The following RIMS2 variants were observed in gnomAD, a reference collection of about 807,000 sequenced individuals.
RIMS2 encodes the protein regulating synaptic membrane exocytosis protein 2.
Under a neutral mutation model 174.4 loss-of-function variants are expected in RIMS2, and 59 were observed. The observed-to-expected ratio is 0.34, with a 90% confidence interval of 0.27 to 0.42. RIMS2 has a LOEUF of 0.42. RIMS2 is among the 10% of genes least tolerant of loss of function. The pLI is 1.00. For missense variants in RIMS2, 1,620 were observed against 1,666.3 expected, an observed-to-expected ratio of 0.97 and a Z score of 0.48; for synonymous variants, 606 against 572.5, an observed-to-expected ratio of 1.06 and a Z score of -0.84.
intron 19 of RIMS2, among the ~76,000 whole-genome samples, chr8:104,097,017 A>T (rs563601672): frequency 6.6e-6 from 1 of 152,350 alleles, no homozygotes; most frequent in Admixed American, 6.5e-5. Context: ...TATTCCAAGC[A>T]TCATTTTGTT....
intron 1 of RIMS2, among the ~76,000 whole-genome samples, chr8:103,591,934 A>G (rs1326656230): frequency 1.3e-5 from 2 of 151,288 alleles, no homozygotes; most frequent in East Asian, 1.9e-4. Context: ...AATTATTACA[A>G]AAAAGCTTAG....
intron 19 of RIMS2, among the ~76,000 whole-genome samples, chr8:104,076,293 C>T (rs1307831497): frequency 6.8e-6 from 1 of 147,950 alleles, no homozygotes; most frequent in African/African-American, 2.5e-5. Context: ...ATCATTTATG[C>T]CCATTTTCCC....
At chr8:103,842,881 G>A (rs1427413662) in intron 3 of RIMS2, among the ~76,000 whole-genome samples, 1 of 152,296 alleles carries the variant, frequency 6.6e-6, no homozygotes, top group South Asian at 2.1e-4. Context: ...AACGTGTCAG[G>A]AGGTTTGGTT....
rs151134809 is a variant in RIMS2, at chr8:104,191,934, T to C, written c.3335-52982T>C. 2.5e-3 allele frequency among the ~76,000 whole-genome samples: 384 copies of C among 152,254 alleles called. 2 individuals are homozygous for C. Among genetic ancestry groups the C allele is most frequent in the Admixed American group, 4.6e-3 (70 of 15,276 alleles). On this transcript the variant is annotated intron_variant, in intron 19 of 23. Transcript: ENST00000504942. ...AATTATATTTAAGTAAATTATCTTA[T>C]GCCCTGGAATAGAAATTCATTTTCC...
At chr8:103,661,079 A>G (rs2096594400) in intron 1 of RIMS2, among the ~76,000 whole-genome samples, 1 of 152,228 alleles carries the variant, frequency 6.6e-6, no homozygotes. Context: ...TCTGTCCAGC[A>G]CCATTATTTT....
rs1465037317 is a variant in RIMS2 at position 103,942,972 on chromosome 8, A to C, written c.2701+46A>C. On this transcript the variant is annotated intron_variant, in intron 14 of 23. Transcript: ENST00000504942. The stretch of plus-strand genomic sequence containing the variant: ...TTCATATTTTTATTGTATTTTCCTA[A>C]TCTTGAGTGATGTATGTGATAAAGA... 2.1e-6 allele frequency: 3 copies of C among 1,417,024 alleles called. No individual in the cohort carries two copies. The South Asian group carries it at 3.8e-5, about 18-fold the overall frequency. The allele number at this position is 1,417,024 out of a possible 1,614,324, so 87.8% of individuals were successfully genotyped here.
chr8:104,247,603 G>T (rs569414816), intron 20 of RIMS2, among the ~76,000 whole-genome samples: 11 of 152,336 alleles, frequency 7.2e-5, no homozygotes, highest in Admixed American at 5.2e-4. Context: ...TGGCTCCAAG[G>T]TTGACCAGTT....
chr8:104,041,964 A>G (rs748294773), intron 19 of RIMS2, among the ~76,000 whole-genome samples: 31 of 151,538 alleles, frequency 2.0e-4, no homozygotes, highest in Non-Finnish European at 4.0e-4. Flanking sequence ...ATGAGGTAAC[A>G]TTTGAGCTGA....
At chr8:103,902,758 G>T (rs1398840192) in intron 4 of RIMS2, among the ~76,000 whole-genome samples, 1 of 152,052 alleles carries the variant, frequency 6.6e-6, no homozygotes, top group Non-Finnish European at 1.5e-5. Context: ...TTTCAATTAA[G>T]TTTGTGGAAA....
intron 3 of RIMS2, among the ~76,000 whole-genome samples, chr8:103,797,639 C>T (rs1428396371): frequency 6.6e-6 from 1 of 152,172 alleles, no homozygotes; most frequent in African/African-American, 2.4e-5. Context: ...CTTGTTGCTA[C>T]ATATCAGATT....
rs1005954978 is a variant in RIMS2 at position 103,699,380 on chromosome 8, C to T, written c.387+2084C>T. On this transcript the variant is annotated intron_variant, in intron 2 of 23. Transcript: ENST00000504942. ...TAGCAGGAACTATGAGTGTGTGCCACCATGCCCTGCTAATTTTTAAAATTA... is the reference window on the plus strand; with the variant it reads ...TAGCAGGAACTATGAGTGTGTGCCATCATGCCCTGCTAATTTTTAAAATTA... 2.6e-5 allele frequency among the ~76,000 whole-genome samples: 4 copies of T among 151,934 alleles called. No homozygotes were observed. The East Asian group carries it at 7.7e-4, about 29-fold the overall frequency.
chr8:103,911,503 C>G (rs1221258003), intron 5 of RIMS2, among the ~76,000 whole-genome samples: 1 of 152,068 alleles, frequency 6.6e-6, no homozygotes, highest in Non-Finnish European at 1.5e-5. Context: ...TTTATTGGGG[C>G]TTGTGTACAC....
chr8:104,212,207 G>A (rs1203102553), intron 19 of RIMS2, among the ~76,000 whole-genome samples: 1 of 152,130 alleles, frequency 6.6e-6, no homozygotes, highest in East Asian at 1.9e-4. Context: ...TTACATTTGA[G>A]TAAATGCTTT....
At chr8:104,245,364 A>C (rs1373918454) in intron 20 of RIMS2, among the ~76,000 whole-genome samples, 2 of 152,260 alleles carry the variant, frequency 1.3e-5, no homozygotes, top group East Asian at 1.9e-4. Context: ...ATAAAAGCCC[A>C]AAAATAATAA....
chr8:104,244,202 C>T (rs1297525549), intron 19 of RIMS2, among the ~76,000 whole-genome samples: 1 of 152,164 alleles, frequency 6.6e-6, no homozygotes, highest in African/African-American at 2.4e-5. Flanking sequence ...TAGTAAATCA[C>T]ATCACCAAAC....
intron 17 of RIMS2, among the ~76,000 whole-genome samples, chr8:103,991,516 G>A (rs2094695920): frequency 6.6e-6 from 1 of 151,738 alleles, no homozygotes; most frequent in African/African-American, 2.4e-5. Flanking sequence ...GCATATGTCT[G>A]CATTATGATT....
intron 19 of RIMS2, among the ~76,000 whole-genome samples, chr8:104,196,688 A>G (rs756017410): frequency 2.0e-5 from 3 of 152,158 alleles, no homozygotes; most frequent in Non-Finnish European, 4.4e-5. Context: ...CTGTACTAAG[A>G]AGTCCAAAGT....
At chr8:104,044,799 T>C (rs765140699) in intron 19 of RIMS2, among the ~76,000 whole-genome samples, 5 of 151,696 alleles carry the variant, frequency 3.3e-5, no homozygotes, top group Non-Finnish European at 5.9e-5. Flanking sequence ...TGGTCTATGT[T>C]AACCAGCATT....
At chr8:103,811,985 A>G (rs893837256) in intron 3 of RIMS2, among the ~76,000 whole-genome samples, 5 of 152,092 alleles carry the variant, frequency 3.3e-5, no homozygotes, top group Admixed American at 2.6e-4. Flanking sequence ...GATGCCATAA[A>G]CTGTTGTGTT....
Sources: gnomAD v4.1 joint callset for allele counts (sites outside exome capture counted in the v4.1 genomes callset) on GRCh38, gnomAD v4.1.1 for gene constraint, MANE v1.5 for transcripts, NCBI Gene and HGNC (gene_info 2026-07-23, HGNC 2026-07-21) for gene names.